CD99: variants seen among roughly 807,000 people sequenced by gnomAD.
The protein encoded by CD99 is CD99 molecule (Xg blood group).
A neutral mutation model predicts 28.4 loss-of-function variants in CD99; 19 were observed. That is an observed-to-expected ratio of 0.67 (90% CI 0.47 to 0.98). The LOEUF is 0.98. CD99 is among the 50% of genes least tolerant of loss of function. The pLI, the probability that CD99 is intolerant of heterozygous loss-of-function variation, is 0.00. For synonymous variants in CD99, 103 were observed against 92.1 expected (o/e 1.12, Z -0.67); for missense variants, 283 against 248.8 (o/e 1.14, Z -0.92).
chrX:2,691,519 CG>C (rs1283658626), intron 1 of CD99, 92 bp downstream of exon 1: 2 of 1,369,730 alleles, frequency 1.5e-6, no homozygotes, highest in African/African-American at 2.9e-5. Context: ...GGGCGCCCCG[CG>C]GGGACACCCG....
chrX:2,713,446 G>GCA (rs2048538856), intron 1 of CD99, among the ~76,000 whole-genome samples: 1 of 151,808 alleles, frequency 6.6e-6, no homozygotes. Context: ...ATACACATAT[G>GCA]CACACACAGA....
chrX:2,695,894 A>C (rs1240095347), intron 1 of CD99, among the ~76,000 whole-genome samples: 2 of 152,202 alleles, frequency 1.3e-5, no homozygotes, highest in Non-Finnish European at 2.9e-5. Flanking sequence ...TTGGCCTCCC[A>C]AAGTGCTGGG....
At chrX:2,725,919 C>G (rs947105509) in intron 7 of CD99, among the ~76,000 whole-genome samples, 3 of 152,128 alleles carry the variant, frequency 2.0e-5, no homozygotes, top group Non-Finnish European at 4.4e-5. Context: ...AGCCCCAGCT[C>G]TCTTTCCATC....
At chrX:2,718,895 A>G (rs914279523) in intron 3 of CD99, among the ~76,000 whole-genome samples, 1 of 152,158 alleles carries the variant, frequency 6.6e-6, no homozygotes, top group African/African-American at 2.4e-5. Flanking sequence ...GTGTCAGCTC[A>G]TGAGCAAAGG....
intron 8 of CD99, among the ~76,000 whole-genome samples, chrX:2,729,803 A>G (rs1432904884): frequency 6.6e-6 from 1 of 152,172 alleles, no homozygotes; most frequent in African/African-American, 2.4e-5. Context: ...TGGGGCAGGC[A>G]TGAACAATGA....
intron 8 of CD99, among the ~76,000 whole-genome samples, chrX:2,737,619 C>G (rs1050533550): frequency 1.6e-4 from 25 of 151,926 alleles, no homozygotes; most frequent in Admixed American, 1.3e-3. Flanking sequence ...CTCAGCCTCC[C>G]GAGTAGCTGG....
chrX:2,738,097 T>C (rs779235929), intron 8 of CD99, 103 bp from the exon 9 acceptor site: 2 of 1,011,842 alleles, frequency 2.0e-6, no homozygotes, highest in Admixed American at 1.7e-5. Flanking sequence ...ATCCAAGCAA[T>C]AGGAGCGTCG....
rs774014575 is a variant in CD99, at chrX:2,726,303, G to T, written c.405G>T (p.Val135=). 13 of 1,612,078 alleles carry T rather than the reference G, an allele frequency of 8.1e-6. No homozygotes were observed. In the South Asian group the frequency reaches 1.4e-4, roughly 18 times the overall value. ...TCCCCGGGATTGTGGGGGCTGTCGT[G>T]GTCGCCGTGGCTGGAGCCATCTCTA... The part of the protein sequence containing the change: ...GVIPGIVGAV[V]VAVAGAISSF... The change falls in exon 8 of 10, where the codon GTG becomes GTT. Residue 135 remains valine, a synonymous_variant. Transcript: ENST00000381192.
chrX:2,715,612 C>T (rs2048663073), intron 2 of CD99: 1 of 152,032 alleles, frequency 6.6e-6, no homozygotes, highest in African/African-American at 2.4e-5. Flanking sequence ...ACCCTATTTC[C>T]AAATAAAGTC....
intron 1 of CD99, among the ~76,000 whole-genome samples, chrX:2,707,477 G>A (rs190901090): frequency 1.2e-4 from 18 of 152,230 alleles, no homozygotes; most frequent in African/African-American, 3.9e-4. Flanking sequence ...ATGTGGCCTC[G>A]GGGACTTCAC....
chrX:2,698,458 C>T (rs1463535858), intron 1 of CD99, among the ~76,000 whole-genome samples: 1 of 152,094 alleles, frequency 6.6e-6, no homozygotes, highest in Non-Finnish European at 1.5e-5. Context: ...CGTGAGCCAC[C>T]ATGCTCAGCC....
chrX:2,712,668 A>G (rs1300079962), intron 1 of CD99, among the ~76,000 whole-genome samples: 1 of 151,270 alleles, frequency 6.6e-6, no homozygotes, highest in East Asian at 2.0e-4. Context: ...AGGTTGTGGA[A>G]ACGACTCCAC....
At chrX:2,726,804 G>A (rs904090843) in intron 8 of CD99, among the ~76,000 whole-genome samples, 1 of 146,400 alleles carries the variant, frequency 6.8e-6, no homozygotes, top group Non-Finnish European at 1.5e-5. Flanking sequence ...TGACCAGGGG[G>A]CCGCCACGGT....
intron 3 of CD99, among the ~76,000 whole-genome samples, chrX:2,718,712 G>A (rs1463171324): frequency 2.6e-5 from 4 of 152,156 alleles, no homozygotes; most frequent in Non-Finnish European, 4.4e-5. Context: ...CGAGGTCCAC[G>A]TGATGGAATT....
chrX:2,737,882 AAGAG>A, intron 8 of CD99: 1 of 534,194 alleles, frequency 1.9e-6, no homozygotes, highest in Non-Finnish European at 3.4e-6. Flanking sequence ...TTTTTATAGA[AAGAG>A]CTTCCATGTG....
intron 1 of CD99, among the ~76,000 whole-genome samples, chrX:2,713,988 A>G (rs1284525857): frequency 6.6e-6 from 1 of 152,030 alleles, no homozygotes; most frequent in African/African-American, 2.4e-5. Flanking sequence ...TTAATGCATA[A>G]TGCACGTGTC....
intron 1 of CD99, among the ~76,000 whole-genome samples, chrX:2,692,452 C>T (rs533078910): frequency 5.3e-5 from 8 of 152,298 alleles, no homozygotes; most frequent in African/African-American, 1.4e-4. Context: ...CAGCCTAGAG[C>T]TGCGGTGACT....
intron 8 of CD99, among the ~76,000 whole-genome samples, chrX:2,730,294 T>G (rs2049529670): frequency 6.6e-6 from 1 of 151,912 alleles, no homozygotes; most frequent in Admixed American, 6.6e-5. Context: ...TGCCTCAGCT[T>G]CCCGAGCAGC....
At chrX:2,704,068 A>C (rs1187791422) in intron 1 of CD99, among the ~76,000 whole-genome samples, 1 of 152,134 alleles carries the variant, frequency 6.6e-6, no homozygotes, top group African/African-American at 2.4e-5. Flanking sequence ...CACAGAACGA[A>C]AATGTCTGGG....
Sources: gnomAD v4.1 joint callset for allele counts (sites outside exome capture counted in the v4.1 genomes callset) on GRCh38, gnomAD v4.1.1 for gene constraint, MANE v1.5 for transcripts, NCBI Gene and HGNC (gene_info 2026-07-23, HGNC 2026-07-21) for gene names.